SPNS3: variants seen among roughly 807,000 people sequenced by gnomAD.
The protein encoded by SPNS3 is protein spinster homolog 3.
SPNS3 carries 51 observed loss-of-function variants against 54.4 expected under a neutral mutation model. The ratio of observed to expected loss-of-function variants is 0.94; its 90% CI spans 0.75 to 1.18. SPNS3 has a LOEUF of 1.18. Ranked by LOEUF, SPNS3 falls within the 50% of genes most tolerant of loss-of-function variation. SPNS3 has a pLI of 0.00. For synonymous variants in SPNS3, 309 were observed against 294.7 expected, an observed-to-expected ratio of 1.05 and a Z score of -0.50; for missense variants, 669 against 677.4, an observed-to-expected ratio of 0.99 and a Z score of 0.14.
chr17:4,461,606 T>C (rs1971509144), intron 8 of SPNS3, among the ~76,000 whole-genome samples: 1 of 152,066 alleles, frequency 6.6e-6, no homozygotes, highest in African/African-American at 2.4e-5. Context: ...GCAGGTGAGA[T>C]GATGCGGTTT....
At chr17:4,472,868 A>G (rs1267921703) in intron 8 of SPNS3, among the ~76,000 whole-genome samples, 1 of 129,514 alleles carries the variant, frequency 7.7e-6, no homozygotes, top group East Asian at 2.2e-4. Flanking sequence ...GGCTCACTGC[A>G]GCCTCAACCT....
rs1971101604 is a variant in SPNS3 at position 4,449,512 on chromosome 17, G to A, written c.923+125G>A. ...GGGCATTTGGTGCTGTGTGAAGACA[G>A]TGGAGCTCAGGACCCAGATGGCAGC... is the stretch of plus-strand genomic sequence containing the variant. On this transcript the variant is annotated intron_variant, in intron 7 of 11. Coordinates refer to ENST00000355530, the MANE Select transcript of SPNS3 (RefSeq NM_182538.5). 1.7e-5 allele frequency: 20 copies of A among 1,168,010 alleles called. 1 individual carries two copies. The South Asian group carries it at 3.4e-4, about 20-fold the overall frequency. The allele number at this position is 1,168,010 out of a possible 1,614,324, so 72.4% of individuals were successfully genotyped here.
intron 8 of SPNS3, among the ~76,000 whole-genome samples, chr17:4,465,955 C>T (rs1004874744): frequency 4.6e-5 from 7 of 152,214 alleles, no homozygotes; most frequent in African/African-American, 1.7e-4. Context: ...TCTAGTTCCA[C>T]GCTGCTCTTT....
rs1459195372 is a variant in SPNS3, at chr17:4,448,155, G to A, written c.622G>A (p.Val208Ile). The A allele has an allele frequency of 1.9e-6, 3 of 1,590,290 alleles. No homozygotes were observed. In the African/African-American group the frequency reaches 4.1e-5, roughly 22 times the overall value. The change falls in exon 6 of 12, where the codon GTC (valine) becomes ATC (isoleucine). Residue 208 changes from valine (V) to isoleucine (I), a missense_variant and splice_region_variant. Physicochemically the swap from Val to Ile is conservative, Grantham distance 29. Coordinates refer to ENST00000355530, the MANE Select transcript of SPNS3 (RefSeq NM_182538.5). ...LTGNWRWALR[V>I]MPCLEAVALI... is the part of the protein sequence containing the mutation. ...GCTTCCTGGGCCCTCCTGTCCCCAG[G>A]TCATGCCCTGCCTGGAGGCCGTGGC...
At chr17:4,476,245 G>A (rs1425956951) in intron 8 of SPNS3, among the ~76,000 whole-genome samples, 2 of 152,200 alleles carry the variant, frequency 1.3e-5, no homozygotes, top group Non-Finnish European at 2.9e-5. Context: ...TGTTGGTGCG[G>A]TGCCGGCCTC....
intron 5 of SPNS3, 51 bp from the exon 6 acceptor site, chr17:4,448,104 T>C: frequency 7.9e-6 from 12 of 1,516,484 alleles, no homozygotes; most frequent in Non-Finnish European, 9.7e-6. Context: ...GGGGGTCCCT[T>C]GGGCTGTGAT....
intron 8 of SPNS3, among the ~76,000 whole-genome samples, chr17:4,472,215 A>G (rs912050852): frequency 2.0e-5 from 3 of 152,014 alleles, no homozygotes; most frequent in Admixed American, 6.6e-5. Context: ...CCTTTTCCAC[A>G]ATATGTATCC....
At chr17:4,451,713 G>C (rs1971171144) in intron 7 of SPNS3, among the ~76,000 whole-genome samples, 1 of 151,756 alleles carries the variant, frequency 6.6e-6, no homozygotes, top group Non-Finnish European at 1.5e-5. Flanking sequence ...TCTTGCCCAG[G>C]CTGGAGTGCA....
chr17:4,451,502 C>A (rs996209227), intron 7 of SPNS3, among the ~76,000 whole-genome samples: 1 of 152,236 alleles, frequency 6.6e-6, no homozygotes, highest in East Asian at 1.9e-4. Flanking sequence ...CAAGCTACAT[C>A]GGTCAGCGTG....
intron 4 of SPNS3, 176 bp from the exon 5 acceptor site, chr17:4,446,720 G>A (rs1172866484): frequency 2.0e-5 from 13 of 640,088 alleles, no homozygotes; most frequent in Non-Finnish European, 3.4e-5. Flanking sequence ...TGACCTGACC[G>A]AGGGCAGTGG....
At chr17:4,485,539 A>G (rs1048954762) in intron 9 of SPNS3, among the ~76,000 whole-genome samples, 8 of 152,018 alleles carry the variant, frequency 5.3e-5, no homozygotes, top group Non-Finnish European at 1.2e-4. Flanking sequence ...CTGGGATTAC[A>G]GGCATGTGCC....
rs1011345380 is a variant in SPNS3 at position 4,469,133 on chromosome 17, G to A, written c.1114-9439G>A. Among the ~76,000 whole-genome samples, 5 of 151,544 alleles carry A rather than the reference G, an allele frequency of 3.3e-5. No individual in the cohort carries two copies. The South Asian group carries it at 1.0e-3, about 32-fold the overall frequency. Reference sequence around the variant, plus strand: ...AGGTTCTTGCTCTGTCACCCAGGCTGGAGTGCACTGGTGCGATCTCAGCTC... The same window carrying A: ...AGGTTCTTGCTCTGTCACCCAGGCTAGAGTGCACTGGTGCGATCTCAGCTC... On this transcript the variant is annotated intron_variant, in intron 8 of 11. Coordinates refer to ENST00000355530, the MANE Select transcript of SPNS3 (RefSeq NM_182538.5).
At chr17:4,453,955 G>C (rs2326060) in intron 8 of SPNS3, among the ~76,000 whole-genome samples, 50,922 of 151,998 alleles carry the variant, frequency 0.34, 8,738 homozygotes, top group African/African-American at 0.38. Context: ...CTCTGGCTGT[G>C]CCAGCCGTGT....
intron 1 of SPNS3, among the ~76,000 whole-genome samples, chr17:4,435,800 C>CGG (rs1567550705): frequency 7.2e-5 from 11 of 152,090 alleles, no homozygotes; most frequent in Admixed American, 2.0e-4. Flanking sequence ...GGCGTGGTGG[C>CGG]TCACGCCTGT....
intron 9 of SPNS3, 64 bp downstream of exon 9, chr17:4,478,701 G>A (rs1972078907): frequency 6.6e-7 from 1 of 1,513,150 alleles, no homozygotes; most frequent in Admixed American, 2.0e-5. Context: ...GGCCTCTGCT[G>A]CTGAGCAGCT....
chr17:4,434,644 GCA>G (rs1970668039), intron 1 of SPNS3, among the ~76,000 whole-genome samples: 1 of 146,580 alleles, frequency 6.8e-6, no homozygotes, highest in Admixed American at 6.8e-5. Context: ...TTACAGGCGT[GCA>G]CCACCACATC....
intron 9 of SPNS3, 88 bp downstream of exon 9, chr17:4,478,725 G>A (rs1027030565): frequency 4.4e-5 from 58 of 1,327,874 alleles, no homozygotes; most frequent in South Asian, 6.4e-5. Flanking sequence ...CACTGGCGGC[G>A]ACATCAGAGA....
At position 4,486,224 on chromosome 17, in the gene SPNS3, G is replaced by A; in HGVS notation, c.1180-4G>A. 6.5e-7 allele frequency: 1 copy of A among 1,539,220 alleles called. No homozygotes were observed. Among genetic ancestry groups the A allele is most frequent in the Non-Finnish European group, 8.7e-7 (1 of 1,146,344 alleles). On this transcript the variant is annotated splice_region_variant and splice_polypyrimidine_tract_variant and intron_variant, in intron 9 of 11. Coordinates refer to ENST00000355530, the MANE Select transcript of SPNS3 (RefSeq NM_182538.5). The surrounding 1 kb of genome is among the most constrained non-coding windows in gnomAD (Gnocchi z 5.5). ...TGCCCCCCTGCTGTGCCTATGTTTT[G>A]CAGTCTGTGGTGGTGCCCAGATGCC...
In SPNS3 at chr17:4,434,102, C is replaced by T. The variant is rs748821578; in HGVS notation, c.135C>T (p.Tyr45=). ...GGAGCCTGCCCCCGTGGAGGGCCTA[C>T]GTGGCTGCCGCCGTCCTCTGCTACA... ...TSWSLPPWRA[Y]VAAAVLCYIN... is the part of the protein sequence containing the mutation. The change falls in exon 1 of 12, where the codon TAC becomes TAT. Residue 45 remains tyrosine, a synonymous_variant. Coordinates refer to ENST00000355530, the MANE Select transcript of SPNS3 (RefSeq NM_182538.5). 39 of 1,612,284 alleles carry T rather than the reference C, an allele frequency of 2.4e-5. No homozygotes were observed. The East Asian group carries it at 3.4e-4, about 14-fold the overall frequency.
Sources: allele counts gnomAD v4.1 joint callset (sites outside exome capture counted in the v4.1 genomes callset), GRCh38; gene constraint gnomAD v4.1.1; non-coding constraint Gnocchi (gnomAD v3.1); transcripts MANE v1.5; gene names NCBI Gene and HGNC (gene_info 2026-07-23, HGNC 2026-07-21).